ZNF212: variants seen among roughly 807,000 people sequenced by gnomAD.
ZNF212 encodes the protein zinc finger protein 212.
A neutral mutation model predicts 47.3 loss-of-function variants in ZNF212; 32 were observed. The observed-to-expected ratio is 0.68, with a 90% confidence interval of 0.51 to 0.91. ZNF212 has a LOEUF of 0.91. Ranked by LOEUF, ZNF212 falls within the 40% of genes least tolerant of loss-of-function variation. The pLI is 0.00. For missense variants in ZNF212, 555 were observed against 622.8 expected, an observed-to-expected ratio of 0.89 and a Z score of 1.16; for synonymous variants, 242 against 253.8, an observed-to-expected ratio of 0.95 and a Z score of 0.44.
At chr7:149,243,029 A>G (rs1796617369) in intron 1 of ZNF212, among the ~76,000 whole-genome samples, 1 of 152,258 alleles carries the variant, frequency 6.6e-6, no homozygotes, top group Admixed American at 6.5e-5. Context: ...ATAAATGTAA[A>G]TGAATGAAAT....
intron 3 of ZNF212, 87 bp downstream of exon 3, chr7:149,250,894 C>A: frequency 6.4e-7 from 1 of 1,561,638 alleles, no homozygotes; most frequent in Non-Finnish European, 8.7e-7. Flanking sequence ...ACACCTGTGG[C>A]TCCTGTGGCT....
chr7:149,252,425 G>C (rs1796773178), intron 3 of ZNF212, among the ~76,000 whole-genome samples: 1 of 152,214 alleles, frequency 6.6e-6, no homozygotes, highest in Non-Finnish European at 1.5e-5. Context: ...GCAGAGGTGG[G>C]TGGTGGTGCC....
At position 149,239,718 on chromosome 7, in the gene ZNF212, G is replaced by C. The variant is rs1306479207; in HGVS notation, c.-61G>C. On this transcript the variant is annotated 5_prime_UTR_variant, in exon 1 of 5. Transcript: ENST00000335870. ...CCAACAGGCTCTGGGGCGCCGAGCGGACAGGAACGCAGCACGGGGGCTCCG... is the reference window on the plus strand; with the variant it reads ...CCAACAGGCTCTGGGGCGCCGAGCGCACAGGAACGCAGCACGGGGGCTCCG... The C allele has an allele frequency of 4.7e-6, 6 of 1,285,270 alleles. No individual in the cohort carries two copies. The highest frequency in any genetic ancestry group is 4.1e-5 in the Admixed American group (1 of 24,632). The allele number at this position is 1,285,270 out of a possible 1,614,324, so 79.6% of individuals were successfully genotyped here. A position where few individuals can be genotyped will look rare whatever the true frequency, so the allele number is the denominator to read the frequency against.
Position 149,239,743 on chromosome 7 carries a change from G to T in ZNF212, c.-36G>T. 2 of 1,278,406 alleles carry T rather than the reference G, an allele frequency of 1.6e-6. No homozygotes were observed. The highest frequency in any genetic ancestry group is 2.0e-6 in the Non-Finnish European group (2 of 1,006,282). 79.2% of individuals were successfully genotyped at this position (1,278,406 alleles called of 1,614,324 possible). The stretch of plus-strand genomic sequence containing the variant: ...GACAGGAACGCAGCACGGGGGCTCC[G>T]AGGCGGGGTCTGGGTGTTGAGGGGC... On this transcript the variant is annotated 5_prime_UTR_variant, in exon 1 of 5. Transcript: ENST00000335870.
chr7:149,244,477 T>C (rs1228674389), intron 1 of ZNF212, among the ~76,000 whole-genome samples: 1 of 152,020 alleles, frequency 6.6e-6, no homozygotes, highest in Non-Finnish European at 1.5e-5. Flanking sequence ...CACGCCCGGC[T>C]AATTCTTTTG....
At chr7:149,245,226 C>A (rs1453756051) in intron 1 of ZNF212, among the ~76,000 whole-genome samples, 2 of 151,952 alleles carry the variant, frequency 1.3e-5, no homozygotes, top group African/African-American at 4.8e-5. Flanking sequence ...TGGCACACAC[C>A]TGTAATCCCA....
chr7:149,252,626 A>G (rs958797114), intron 3 of ZNF212, 80 bp from the exon 4 acceptor site: 8 of 1,300,226 alleles, frequency 6.2e-6, no homozygotes, highest in East Asian at 4.8e-5. Flanking sequence ...GCCATTGGTC[A>G]TCTTGGTCAC....
In ZNF212 at chr7:149,239,685, G is replaced by GGCA. The variant is rs1421762757; in HGVS notation, c.-92_-91insAGC. The GGCA allele has an allele frequency of 7.8e-7, 1 of 1,289,534 alleles. No homozygotes were observed. The highest frequency in any genetic ancestry group is 9.9e-7 in the Non-Finnish European group (1 of 1,012,778). The allele number at this position is 1,289,534 out of a possible 1,614,324, so 79.9% of individuals were successfully genotyped here. A position where few individuals can be genotyped will look rare whatever the true frequency, so the allele number is the denominator to read the frequency against. Reference sequence around the variant, plus strand: ...CTGGCATCAACACGGCGGCGGCGGCGGCGGCTTCCAACAGGCTCTGGGGCG... The same window carrying GGCA: ...CTGGCATCAACACGGCGGCGGCGGCGGCAGCGGCTTCCAACAGGCTCTGGGGCG... On this transcript the variant is annotated 5_prime_UTR_variant, in exon 1 of 5. Transcript: ENST00000335870.
At position 149,250,138 on chromosome 7, in the gene ZNF212, CCT is replaced by C. The variant is rs764598597; in HGVS notation, c.25-20_25-19del. On this transcript the variant is annotated intron_variant, in intron 1 of 4. Transcript: ENST00000335870. ...CTTGATGTTTGGAAGTGACATTGAC[CCT>C]GTGTCTTTAATCCATCAGCACAGGA... 1 of 1,495,004 alleles carries C rather than the reference CCT, an allele frequency of 6.7e-7. No homozygotes were observed. The highest frequency in any genetic ancestry group is 1.4e-5 in the South Asian group (1 of 69,714). The allele number at this position is 1,495,004 out of a possible 1,614,324, so 92.6% of individuals were successfully genotyped here.
Position 149,253,762 on chromosome 7 carries a change from C to G in ZNF212, c.835C>G (p.Pro279Ala). Residue 279 changes from proline to alanine, a missense_variant, in exon 5 of 5, where the codon CCT becomes GCT. Coordinates refer to ENST00000335870, the MANE Select transcript of ZNF212 (RefSeq NM_012256.4). ...TLEEPVGSRV[P>A]SSSRTVGCPK... ...AGAGGAGCCTGTTGGTAGTAGAGTT[C>G]CTAGCAGCAGCAGAACTGTGGGCTG... 6.2e-7 allele frequency: 1 copy of G among 1,614,082 alleles called. No homozygotes were observed. The highest frequency in any genetic ancestry group is 8.5e-7 in the Non-Finnish European group (1 of 1,179,964).
intron 1 of ZNF212, among the ~76,000 whole-genome samples, chr7:149,242,025 T>C (rs1034003830): frequency 4.4e-4 from 36 of 82,028 alleles, no homozygotes; most frequent in Admixed American, 1.3e-3. Context: ...TCTTTTCTTT[T>C]TTTTTTTTTT....
At position 149,239,671 on chromosome 7, in the gene ZNF212, A is replaced by ACGACGGCGGCGG; in HGVS notation, c.-106_-105insACGGCGGCGGCG. The ACGACGGCGGCGG allele has an allele frequency of 9.2e-7, 1 of 1,085,362 alleles. No homozygotes were observed. Among genetic ancestry groups the ACGACGGCGGCGG allele is most frequent in the Non-Finnish European group, 1.2e-6 (1 of 840,644 alleles). The allele number at this position is 1,085,362 out of a possible 1,614,324, so 67.2% of individuals were successfully genotyped here. ...CTCCCAGAATGCACCTGGCATCAAC[A>ACGACGGCGGCGG]CGGCGGCGGCGGCGGCGGCTTCCAA... On this transcript the variant is annotated 5_prime_UTR_variant, in exon 1 of 5. Coordinates refer to ENST00000335870, the MANE Select transcript of ZNF212 (RefSeq NM_012256.4).
At position 149,254,877 on chromosome 7, in the gene ZNF212, T is replaced by C. The variant is rs1287642391; in HGVS notation, c.*462T>C. ...TAATAAGTAGAAGAAATAATTTAAA[T>C]GAACTGCTTAGCCCTGCTCTGAAGA... On this transcript the variant is annotated 3_prime_UTR_variant, in exon 5 of 5. Transcript: ENST00000335870. The surrounding 1 kb of genome is among the most constrained non-coding windows in gnomAD (Gnocchi z 4.5). The C allele has an allele frequency of 6.2e-6, 1 of 160,036 alleles. No individual in the cohort carries two copies. Among genetic ancestry groups the C allele is most frequent in the Non-Finnish European group, 1.4e-5 (1 of 73,266 alleles). The allele number at this position is 160,036 out of a possible 1,614,324, so 9.9% of individuals were successfully genotyped here.
chr7:149,247,249 A>G (rs1439395337), intron 1 of ZNF212, among the ~76,000 whole-genome samples: 1 of 151,808 alleles, frequency 6.6e-6, no homozygotes, highest in African/African-American at 2.4e-5. Context: ...AGCTGGGACT[A>G]TAGGCACATG....
At chr7:149,252,679 G>A (rs765347696) in intron 3 of ZNF212, 27 bp from the exon 4 acceptor site, 2 of 1,610,356 alleles carry the variant, frequency 1.2e-6, no homozygotes, top group East Asian at 2.2e-5. Flanking sequence ...TCTCTCCTGG[G>A]CTCACACTGT....
chr7:149,239,684 C>CGGCGGT lies in ZNF212; in HGVS notation c.-90_-89insTGGCGG. 1 of 1,287,956 alleles carries CGGCGGT rather than the reference C, an allele frequency of 7.8e-7. No individual in the cohort carries two copies. Among genetic ancestry groups the CGGCGGT allele is most frequent in the South Asian group, 2.8e-5 (1 of 35,490 alleles). The allele number at this position is 1,287,956 out of a possible 1,614,324, so 79.8% of individuals were successfully genotyped here. A position where few individuals can be genotyped will look rare whatever the true frequency, so the allele number is the denominator to read the frequency against. On this transcript the variant is annotated 5_prime_UTR_variant, in exon 1 of 5. Coordinates refer to ENST00000335870, the MANE Select transcript of ZNF212 (RefSeq NM_012256.4). ...CCTGGCATCAACACGGCGGCGGCGG[C>CGGCGGT]GGCGGCTTCCAACAGGCTCTGGGGC...
At chr7:149,253,444 T>C in intron 4 of ZNF212, 115 bp from the exon 5 acceptor site, 1 of 1,327,070 alleles carries the variant, frequency 7.5e-7, no homozygotes, top group Non-Finnish European at 1.0e-6. Flanking sequence ...CTCCACGTTA[T>C]CCTAATTCAC....
intron 1 of ZNF212, among the ~76,000 whole-genome samples, chr7:149,243,144 A>G (rs1257946820): frequency 6.6e-6 from 1 of 152,214 alleles, no homozygotes; most frequent in Non-Finnish European, 1.5e-5. Context: ...CTGTAATCCC[A>G]GCACTTTGGG....
chr7:149,252,932 G>A (rs10487889), intron 4 of ZNF212, 137 bp downstream of exon 4: 95,930 of 800,168 alleles, frequency 0.12, 6,753 homozygotes, highest in Non-Finnish European at 0.14. Flanking sequence ...CTTTATGATT[G>A]TCGTTAGTTC....
Sources: gnomAD v4.1 joint callset for allele counts (sites outside exome capture counted in the v4.1 genomes callset) on GRCh38, gnomAD v4.1.1 for gene constraint, Gnocchi (gnomAD v3.1) non-coding constraint, MANE v1.5 for transcripts, NCBI Gene and HGNC (gene_info 2026-07-23, HGNC 2026-07-21) for gene names.